TP53INP2: variants seen among roughly 807,000 people sequenced by gnomAD.
TP53INP2 encodes the protein tumor protein p53-inducible nuclear protein 2.
In TP53INP2, 12 loss-of-function variants were observed where a neutral mutation model predicts 17.1. The ratio of observed to expected loss-of-function variants is 0.70; its 90% CI spans 0.45 to 1.14. The LOEUF is 1.14. TP53INP2 is among the 50% of genes most tolerant of loss of function. TP53INP2 has a pLI of 0.00. For missense variants in TP53INP2, 342 were observed against 330.9 expected, an observed-to-expected ratio of 1.03 and a Z score of -0.26; for synonymous variants, 145 against 147.3, an observed-to-expected ratio of 0.98 and a Z score of 0.12.
At chr20:34,708,010 T>C (rs904864253) in intron 2 of TP53INP2, among the ~76,000 whole-genome samples, 2 of 152,120 alleles carry the variant, frequency 1.3e-5, no homozygotes, top group Non-Finnish European at 2.9e-5. Context: ...ATTCACCCAC[T>C]TCTGCCTCCC....
chr20:34,710,017 C>G lies in TP53INP2; in HGVS notation c.414-41C>G. ...GGCAGCGCCCTCTAGACCCCCCGCC[C>G]AGCTTACCCGGCTTGACCGAGCCTG... On this transcript the variant is annotated intron_variant, in intron 4 of 4. Coordinates refer to ENST00000374810, the MANE Select transcript of TP53INP2 (RefSeq NM_021202.3). The surrounding 1 kb of genome is among the most constrained non-coding windows in gnomAD (Gnocchi z 4.9). The G allele has an allele frequency of 7.8e-7, 1 of 1,278,494 alleles. No homozygotes were observed. Among genetic ancestry groups the G allele is most frequent in the South Asian group, 2.6e-5 (1 of 38,394 alleles). 79.2% of individuals were successfully genotyped at this position (1,278,494 alleles called of 1,614,324 possible). A position where few individuals can be genotyped will look rare whatever the true frequency, so the allele number is the denominator to read the frequency against.
rs1391693042 is a variant in TP53INP2, at chr20:34,711,615, G to A, written c.*1308G>A. 1 of 152,268 alleles carries A rather than the reference G, an allele frequency of 6.6e-6. No homozygotes were observed. Among genetic ancestry groups the A allele is most frequent in the Non-Finnish European group, 1.5e-5 (1 of 68,034 alleles). 9.4% of individuals were successfully genotyped at this position (152,268 alleles called of 1,614,324 possible). ...TCTTTCTAGGTTGCTGGGGAGAAAT[G>A]GGTACCCTATGATCCCCCTCCCCTT... On this transcript the variant is annotated 3_prime_UTR_variant, in exon 5 of 5. Coordinates refer to ENST00000374810, the MANE Select transcript of TP53INP2 (RefSeq NM_021202.3). The surrounding 1 kb of genome is among the most constrained non-coding windows in gnomAD (Gnocchi z 4.1).
chr20:34,708,805 C>T lies in TP53INP2; in HGVS notation c.66C>T (p.Pro22=), dbSNP rs773227215. Residue 22 remains proline (P), a synonymous_variant, in exon 3 of 5, where the codon CCC becomes CCT. Transcript: ENST00000374810. ...CGCCCCCCGAAGACCCCGACTGCCC[C>T]CGCGCCTTCGTGTCGGAGGAGGATG... ...TPSPPEDPDC[P]RAFVSEEDEV... 2.5e-6 allele frequency: 4 copies of T among 1,613,710 alleles called. No homozygotes were observed. The African/African-American group carries it at 4.0e-5, about 16-fold the overall frequency.
At position 34,709,308 on chromosome 20, in the gene TP53INP2, TGATG is replaced by T; in HGVS notation, c.200_203del (p.Met67ThrfsTer48). The T allele has an allele frequency of 6.2e-7, 1 of 1,612,396 alleles. No individual in the cohort carries two copies. Among genetic ancestry groups the T allele is most frequent in the South Asian group, 1.1e-5 (1 of 91,016 alleles). ...GGCCGCCCTCCGCCCGCGCCCTCCT[TGATG>T]GACGAGAGCTGGTTTGTTACCCCTC... On this transcript the variant is annotated frameshift_variant, in exon 4 of 5. Coordinates refer to ENST00000374810, the MANE Select transcript of TP53INP2 (RefSeq NM_021202.3). LOFTEE classifies it high-confidence loss of function. This position sits in a 1 kb window ranked among gnomAD's most constrained non-coding sequence, Gnocchi z 5.4.
Position 34,710,049 on chromosome 20 carries a change from T to A in TP53INP2, c.414-9T>A, listed in dbSNP as rs1241410340. The A allele has an allele frequency of 1.6e-6, 2 of 1,288,268 alleles. No homozygotes were observed. The highest frequency in any genetic ancestry group is 2.0e-6 in the Non-Finnish European group (2 of 1,019,938). The allele number at this position is 1,288,268 out of a possible 1,614,324, so 79.8% of individuals were successfully genotyped here. A position where few individuals can be genotyped will look rare whatever the true frequency, so the allele number is the denominator to read the frequency against. On this transcript the variant is annotated splice_polypyrimidine_tract_variant and intron_variant, in intron 4 of 4. Transcript: ENST00000374810. The surrounding 1 kb of genome is among the most constrained non-coding windows in gnomAD (Gnocchi z 4.9). ...CCCGGCTTGACCGAGCCTGGCTCTG[T>A]CCTCACAGGGAATTGACGCCCGCCC...
Position 34,708,862 on chromosome 20 carries a change from G to T in TP53INP2, c.123G>T (p.Pro41=), listed in dbSNP as rs772241967. 1 of 1,613,122 alleles carries T rather than the reference G, an allele frequency of 6.2e-7. No individual in the cohort carries two copies. Among genetic ancestry groups the T allele is most frequent in the East Asian group, 2.2e-5 (1 of 44,782 alleles). ...ACGGCTGGCTCATCATTGACCTGCCGGGTGAGGCCTGGGTCTGTCTCCTGG... is the reference window on the plus strand; with the variant it reads ...ACGGCTGGCTCATCATTGACCTGCCTGGTGAGGCCTGGGTCTGTCTCCTGG... ...EVDGWLIIDL[P]DSYAAPPSPG... The change falls in exon 3 of 5, where the codon CCG becomes CCT. Residue 41 remains proline (P), a splice_region_variant and synonymous_variant. Transcript: ENST00000374810.
chr20:34,705,435 A>G lies in TP53INP2; in HGVS notation c.-89A>G, dbSNP rs1472014659. ...ACTGTACCTTGAAGTCCTAGAGTCCAATAAAATCGCTGCCTCCCAGCTGTT... is the reference window on the plus strand; with the variant it reads ...ACTGTACCTTGAAGTCCTAGAGTCCGATAAAATCGCTGCCTCCCAGCTGTT... On this transcript the variant is annotated 5_prime_UTR_variant, in exon 2 of 5. Transcript: ENST00000374810. The G allele has an allele frequency of 6.6e-6, 1 of 152,332 alleles. No individual in the cohort carries two copies. Among genetic ancestry groups the G allele is most frequent in the Non-Finnish European group, 1.5e-5 (1 of 68,136 alleles). The allele number at this position is 152,332 out of a possible 1,614,324, so 9.4% of individuals were successfully genotyped here. A position where few individuals can be genotyped will look rare whatever the true frequency, so the allele number is the denominator to read the frequency against.
At position 34,710,327 on chromosome 20, in the gene TP53INP2, C is replaced by T; in HGVS notation, c.*20C>T. On this transcript the variant is annotated 3_prime_UTR_variant, in exon 5 of 5. Coordinates refer to ENST00000374810, the MANE Select transcript of TP53INP2 (RefSeq NM_021202.3). The surrounding 1 kb of genome is among the most constrained non-coding windows in gnomAD (Gnocchi z 4.9). ...TACTGAGCGTCCACCGGCCGCGCCA[C>T]GAACCCCTTGCCGATCCCGATCCCT... The T allele has an allele frequency of 7.4e-7, 1 of 1,343,550 alleles. No homozygotes were observed. The highest frequency in any genetic ancestry group is 9.7e-7 in the Non-Finnish European group (1 of 1,036,206). 83.2% of individuals were successfully genotyped at this position (1,343,550 alleles called of 1,614,324 possible). A position where few individuals can be genotyped will look rare whatever the true frequency, so the allele number is the denominator to read the frequency against.
Position 34,713,205 on chromosome 20 carries a change from A to G in TP53INP2, c.*2898A>G, listed in dbSNP as rs1328036233. The G allele has an allele frequency of 6.6e-6, 1 of 152,618 alleles. No homozygotes were observed. 9.5% of individuals were successfully genotyped at this position (152,618 alleles called of 1,614,324 possible). ...TGCCACCTAGTTCCACATGGAACCA[A>G]CAAGTTGAGTGCATCCCTGTTGGGT... On this transcript the variant is annotated 3_prime_UTR_variant, in exon 5 of 5. Transcript: ENST00000374810.
In TP53INP2 at chr20:34,709,922, C is replaced by A; in HGVS notation, c.414-136C>A. The A allele has an allele frequency of 8.8e-7, 1 of 1,138,336 alleles. No homozygotes were observed. The highest frequency in any genetic ancestry group is 1.6e-5 in the African/African-American group (1 of 62,086). 70.5% of individuals were successfully genotyped at this position (1,138,336 alleles called of 1,614,324 possible). A position where few individuals can be genotyped will look rare whatever the true frequency, so the allele number is the denominator to read the frequency against. On this transcript the variant is annotated intron_variant, in intron 4 of 4. Transcript: ENST00000374810. The surrounding 1 kb of genome is among the most constrained non-coding windows in gnomAD (Gnocchi z 5.4). ...CCGAGGAGGCACCTCCGGGTTGGTA[C>A]CCACAAGAAGGGCGTCGGGCACCCC...
At chr20:34,705,931 G>T (rs989077686) in intron 2 of TP53INP2, among the ~76,000 whole-genome samples, 1 of 152,194 alleles carries the variant, frequency 6.6e-6, no homozygotes, top group Admixed American at 6.5e-5. Context: ...GGTCAGGAGA[G>T]GGGGCAGGCA....
chr20:34,711,469 G>A lies in TP53INP2; in HGVS notation c.*1162G>A, dbSNP rs1262143213. 2.0e-5 allele frequency: 3 copies of A among 152,308 alleles called. No individual in the cohort carries two copies. The highest frequency in any genetic ancestry group is 4.8e-5 in the African/African-American group (2 of 41,452). The allele number at this position is 152,308 out of a possible 1,614,324, so 9.4% of individuals were successfully genotyped here. On this transcript the variant is annotated 3_prime_UTR_variant, in exon 5 of 5. Transcript: ENST00000374810. The surrounding 1 kb of genome is among the most constrained non-coding windows in gnomAD (Gnocchi z 4.1). ...TTGTATTTCACACCCTGCTCAGTAT[G>A]GCTAGCCAGCAGTCCTGAGTAGGAG...
Position 34,713,357 on chromosome 20 carries a change from T to C in TP53INP2, c.*3050T>C, listed in dbSNP as rs1219271773. 1 of 152,636 alleles carries C rather than the reference T, an allele frequency of 6.6e-6. No individual in the cohort carries two copies. The allele number at this position is 152,636 out of a possible 1,614,324, so 9.5% of individuals were successfully genotyped here. A position where few individuals can be genotyped will look rare whatever the true frequency, so the allele number is the denominator to read the frequency against. On this transcript the variant is annotated 3_prime_UTR_variant, in exon 5 of 5. Transcript: ENST00000374810. Reference sequence around the variant, plus strand: ...TGTATGTGTGTAACAGAATTCTGATTGTTAGACTGTAATGCTATTCCTCTA... The same window carrying C: ...TGTATGTGTGTAACAGAATTCTGATCGTTAGACTGTAATGCTATTCCTCTA...
rs1447632006 is a variant in TP53INP2 at position 34,711,582 on chromosome 20, CCT to C, written c.*1280_*1281del. ...GCCTCTTTTCATTTTCTCCCACAGGCCTCTCTTTCTTTCTAGGTTGCTGGGGA... is the reference window on the plus strand; with the variant it reads ...GCCTCTTTTCATTTTCTCCCACAGGCCTCTTTCTTTCTAGGTTGCTGGGGA... On this transcript the variant is annotated 3_prime_UTR_variant, in exon 5 of 5. Transcript: ENST00000374810. The surrounding 1 kb of genome is among the most constrained non-coding windows in gnomAD (Gnocchi z 4.1). The C allele has an allele frequency of 1.3e-4, 20 of 152,246 alleles. No individual in the cohort carries two copies. The highest frequency in any genetic ancestry group is 1.3e-3 in the Admixed American group (20 of 15,286). 9.4% of individuals were successfully genotyped at this position (152,246 alleles called of 1,614,324 possible). A position where few individuals can be genotyped will look rare whatever the true frequency, so the allele number is the denominator to read the frequency against.
chr20:34,710,232 C>A lies in TP53INP2; in HGVS notation c.588C>A (p.Arg196=). ...CGGTGCAGCGGCAGAACCGAGCCCG[C>A]GAGAGCCGTCCGCGCCGGTCCAAGA... is the stretch of plus-strand genomic sequence containing the variant. ...AKAVQRQNRA[R]ESRPRRSKNQ... Residue 196 remains arginine, a synonymous_variant, in exon 5 of 5, where the codon CGC becomes CGA. Transcript: ENST00000374810. The surrounding 1 kb of genome is among the most constrained non-coding windows in gnomAD (Gnocchi z 4.9). The A allele has an allele frequency of 1.3e-6, 2 of 1,484,544 alleles. No homozygotes were observed. The highest frequency in any genetic ancestry group is 1.8e-6 in the Non-Finnish European group (2 of 1,107,118). The allele number at this position is 1,484,544 out of a possible 1,614,324, so 92.0% of individuals were successfully genotyped here.
rs1432689105 is a variant in TP53INP2, at chr20:34,710,948, A to T, written c.*641A>T. ...TTAGGCCTGGAAAGGTACAGTATGTAGAAGAGGACTGTGAGACGTGAGTTA... is the reference window on the plus strand; with the variant it reads ...TTAGGCCTGGAAAGGTACAGTATGTTGAAGAGGACTGTGAGACGTGAGTTA... On this transcript the variant is annotated 3_prime_UTR_variant, in exon 5 of 5. Coordinates refer to ENST00000374810, the MANE Select transcript of TP53INP2 (RefSeq NM_021202.3). The surrounding 1 kb of genome is among the most constrained non-coding windows in gnomAD (Gnocchi z 4.9). 1.3e-5 allele frequency: 2 copies of T among 152,572 alleles called. No homozygotes were observed. Among genetic ancestry groups the T allele is most frequent in the African/African-American group, 4.8e-5 (2 of 41,432 alleles). The allele number at this position is 152,572 out of a possible 1,614,324, so 9.5% of individuals were successfully genotyped here. A position where few individuals can be genotyped will look rare whatever the true frequency, so the allele number is the denominator to read the frequency against.
rs1988076768 is a variant in TP53INP2 at position 34,709,112 on chromosome 20, G to A, written c.125-124G>A. On this transcript the variant is annotated intron_variant, in intron 3 of 4. Coordinates refer to ENST00000374810, the MANE Select transcript of TP53INP2 (RefSeq NM_021202.3). This position sits in a 1 kb window ranked among gnomAD's most constrained non-coding sequence, Gnocchi z 5.4. Reference sequence around the variant, plus strand: ...GGGTGCCCCGGGGCGCTGCGGACGGGCTGCGGGTCTGACTAACGATGCCCT... The same window carrying A: ...GGGTGCCCCGGGGCGCTGCGGACGGACTGCGGGTCTGACTAACGATGCCCT... 4.9e-6 allele frequency: 7 copies of A among 1,441,684 alleles called. No individual in the cohort carries two copies. The highest frequency in any genetic ancestry group is 5.4e-6 in the Non-Finnish European group (6 of 1,101,830). 89.3% of individuals were successfully genotyped at this position (1,441,684 alleles called of 1,614,324 possible).
At position 34,711,860 on chromosome 20, in the gene TP53INP2, ACCTATGAACATAGGT is replaced by A. The variant is rs1988207934; in HGVS notation, c.*1557_*1571del. On this transcript the variant is annotated 3_prime_UTR_variant, in exon 5 of 5. Coordinates refer to ENST00000374810, the MANE Select transcript of TP53INP2 (RefSeq NM_021202.3). The surrounding 1 kb of genome is among the most constrained non-coding windows in gnomAD (Gnocchi z 4.1). ...CTAGGAACTTTTAAGACTTCTTGGTACCTATGAACATAGGTCCTCCCCTCACCCCAACTCTAGGTT... is the reference window on the plus strand; with the variant it reads ...CTAGGAACTTTTAAGACTTCTTGGTACCTCCCCTCACCCCAACTCTAGGTT... 1 of 152,504 alleles carries A rather than the reference ACCTATGAACATAGGT, an allele frequency of 6.6e-6. No homozygotes were observed. The highest frequency in any genetic ancestry group is 2.4e-5 in the African/African-American group (1 of 41,366). 9.4% of individuals were successfully genotyped at this position (152,504 alleles called of 1,614,324 possible).
chr20:34,710,686 T>A lies in TP53INP2; in HGVS notation c.*379T>A. On this transcript the variant is annotated 3_prime_UTR_variant, in exon 5 of 5. Transcript: ENST00000374810. This position sits in a 1 kb window ranked among gnomAD's most constrained non-coding sequence, Gnocchi z 4.9. Reference sequence around the variant, plus strand: ...TCCCTGATCTGGCTCATTCCCCACCTTCAACTCCCACCTTACATGTCTCAC... The same window carrying A: ...TCCCTGATCTGGCTCATTCCCCACCATCAACTCCCACCTTACATGTCTCAC... 1 of 180,694 alleles carries A rather than the reference T, an allele frequency of 5.5e-6. No homozygotes were observed. The highest frequency in any genetic ancestry group is 1.2e-5 in the Non-Finnish European group (1 of 86,820). 11.2% of individuals were successfully genotyped at this position (180,694 alleles called of 1,614,324 possible). A position where few individuals can be genotyped will look rare whatever the true frequency, so the allele number is the denominator to read the frequency against.
Sources: allele counts gnomAD v4.1 joint callset (sites outside exome capture counted in the v4.1 genomes callset), GRCh38; gene constraint gnomAD v4.1.1; non-coding constraint Gnocchi (gnomAD v3.1); transcripts MANE v1.5; gene names NCBI Gene and HGNC (gene_info 2026-07-23, HGNC 2026-07-21).